Variants in DRD3 observed in about 807,000 individuals in gnomAD.
DRD3 encodes dopamine receptor D3.
Under a neutral mutation model 36.3 loss-of-function variants are expected in DRD3, and 19 were observed. The ratio of observed to expected loss-of-function variants is 0.52; its 90% confidence interval spans 0.36 to 0.77. The LOEUF (loss-of-function observed/expected upper bound fraction) is 0.77, where lower values mean the gene tolerates loss of function less well. Among genes scored for constraint, DRD3 ranks in the 30% least tolerant of loss-of-function variants. DRD3 has a pLI of 0.00. For synonymous variants in DRD3, 195 were observed against 203.7 expected (o/e 0.96, Z 0.36); for missense variants, 465 against 505.3 (o/e 0.92, Z 0.77).
intron 4 of DRD3, 134 bp downstream of exon 4, chr3:114,147,281 C>T: frequency 8.7e-7 from 1 of 1,147,842 alleles, no homozygotes; most frequent in Non-Finnish European, 1.2e-6. Flanking sequence ...GCTTTGCATT[C>T]TGTGGCATTC....
intron 4 of DRD3, among the ~76,000 whole-genome samples, chr3:114,140,361 G>A (rs1389303833): frequency 2.0e-5 from 3 of 152,146 alleles, no homozygotes; most frequent in African/African-American, 4.8e-5. Context: ...CCTTGTCCCT[G>A]CTTTATATCC....
At chr3:114,141,879 G>A (rs539299418) in intron 4 of DRD3, among the ~76,000 whole-genome samples, 3 of 151,842 alleles carry the variant, frequency 2.0e-5, no homozygotes, top group South Asian at 4.2e-4. Context: ...GTGAAACCAC[G>A]TCTCTACTAA....
intron 1 of DRD3, among the ~76,000 whole-genome samples, chr3:114,192,022 A>T (rs1437037548): frequency 6.6e-6 from 1 of 152,144 alleles, no homozygotes; most frequent in Non-Finnish European, 1.5e-5. Flanking sequence ...CAGAGAGAGG[A>T]GGGGGAAGCT....
intron 1 of DRD3, among the ~76,000 whole-genome samples, chr3:114,197,587 T>A (rs868403650): frequency 4.7e-5 from 7 of 147,480 alleles, no homozygotes; most frequent in African/African-American, 1.5e-4. Flanking sequence ...GTTTTAATCT[T>A]AAATTTATTA....
chr3:114,158,324 TTGAG>T (rs1481812818), intron 3 of DRD3, among the ~76,000 whole-genome samples: 1 of 152,168 alleles, frequency 6.6e-6, no homozygotes, highest in Non-Finnish European at 1.5e-5. Context: ...ATTACACACT[TTGAG>T]TGGATGAATT....
rs2107825095 is a variant in DRD3 at position 114,128,658 on chromosome 3, T to G, written c.*58A>C. ...GAGGACACTGCACAGTCTTTCTGAG[T>G]GGGCCAACAGCCTGGCAGCTAGAAA... On this transcript the variant is annotated 3_prime_UTR_variant, in exon 7 of 7. Transcript: ENST00000383673. 1 of 1,492,372 alleles carries G rather than the reference T, an allele frequency of 6.7e-7. No individual in the cohort carries two copies. The allele number at this position is 1,492,372 out of a possible 1,614,324, so 92.4% of individuals were successfully genotyped here.
intron 1 of DRD3, among the ~76,000 whole-genome samples, chr3:114,188,654 G>A (rs1354069012): frequency 6.6e-6 from 1 of 152,172 alleles, no homozygotes; most frequent in African/African-American, 2.4e-5. Flanking sequence ...TTAACATTAA[G>A]GGAGTTCTTT....
chr3:114,139,227 G>C (rs1330279306), intron 5 of DRD3, among the ~76,000 whole-genome samples: 1 of 152,208 alleles, frequency 6.6e-6, no homozygotes, highest in Non-Finnish European at 1.5e-5. Flanking sequence ...TGCCCATTTG[G>C]GGAAAATGAA....
intron 1 of DRD3, among the ~76,000 whole-genome samples, chr3:114,197,123 T>C (rs368772498): frequency 2.0e-5 from 3 of 151,446 alleles, no homozygotes; most frequent in African/African-American, 7.2e-5. Context: ...TTTTCCTTTT[T>C]TTTTTTTAAG....
chr3:114,164,832 A>G (rs899680903), intron 2 of DRD3, among the ~76,000 whole-genome samples: 1 of 152,134 alleles, frequency 6.6e-6, no homozygotes, highest in Non-Finnish European at 1.5e-5. Flanking sequence ...GCTCACTGCA[A>G]TCTCCACCTC....
At position 114,147,490 on chromosome 3, in the gene DRD3, C is replaced by T. The variant is rs138734006; in HGVS notation, c.451G>A (p.Ala151Thr). The T allele has an allele frequency of 6.7e-5, 108 of 1,614,072 alleles. No individual in the cohort carries two copies. In the African/African-American group the frequency reaches 1.4e-3, roughly 21 times the overall value. The change falls in exon 4 of 7, where the codon GCC (alanine) becomes ACC (threonine). Residue 151 changes from alanine to threonine, a missense_variant. Transcript: ENST00000383673. ...GTGQSSCRRV[A>T]LMITAVWVLA... ...ACCCAGACGGCCGTGATCATGAGGG[C>T]CACGCGCCGACAGGAGCTCTGTCCC...
intron 2 of DRD3, among the ~76,000 whole-genome samples, chr3:114,163,655 C>T (rs2077754236): frequency 1.3e-5 from 2 of 152,122 alleles, no homozygotes; most frequent in Non-Finnish European, 2.9e-5. Context: ...CCATCCATTA[C>T]CCCTATAGCC....
At chr3:114,173,046 G>A (rs907388632) in intron 1 of DRD3, among the ~76,000 whole-genome samples, 1 of 152,056 alleles carries the variant, frequency 6.6e-6, no homozygotes, top group African/African-American at 2.4e-5. Flanking sequence ...GGGTCTTTGA[G>A]AGGTGATTAG....
In DRD3 at chr3:114,159,764, C is replaced by T. The variant is rs2077715215; in HGVS notation, c.374G>A (p.Ser125Asn). The T allele has an allele frequency of 6.2e-7, 1 of 1,613,972 alleles. No individual in the cohort carries two copies. The change falls in exon 3 of 7, where the codon AGC (serine) becomes AAC (asparagine). Residue 125 changes from serine (S) to asparagine (N), a missense_variant. By Grantham distance (46) the Ser-to-Asn change is conservative (BLOSUM62 1). Coordinates refer to ENST00000383673, the MANE Select transcript of DRD3 (RefSeq NM_000796.6). ...GGAATTGCAGCCCTACCTGTCTATG[C>T]TGATGGCACAGAGATTAAGGATGCT... ...TASILNLCAI[S>N]IDRYTAVVMP...
At chr3:114,190,443 TATATATATATATATATATA>T (rs1214516881) in intron 1 of DRD3, among the ~76,000 whole-genome samples, 62 of 11,986 alleles carry the variant, frequency 5.2e-3, no homozygotes, top group African/African-American at 9.1e-3. Context: ...TATATATATA[TATATATATATATATATATA>T]TTTTTTTTTT....
intron 2 of DRD3, among the ~76,000 whole-genome samples, chr3:114,163,216 T>C: frequency 6.6e-6 from 1 of 152,160 alleles, no homozygotes; most frequent in East Asian, 1.9e-4. Context: ...CACTTAGCCT[T>C]CCCTGGAGCT....
chr3:114,196,440 T>C (rs945485003), intron 1 of DRD3, among the ~76,000 whole-genome samples: 1 of 152,058 alleles, frequency 6.6e-6, no homozygotes, highest in Non-Finnish European at 1.5e-5. Flanking sequence ...TCAGCCTACC[T>C]AGTAGCTGGG....
rs764646377 is a variant in DRD3 at position 114,131,261 on chromosome 3, G to A, written c.863C>T (p.Pro288Leu). The A allele has an allele frequency of 6.2e-7, 1 of 1,614,122 alleles. No individual in the cohort carries two copies. The highest frequency in any genetic ancestry group is 8.5e-7 in the Non-Finnish European group (1 of 1,180,024). ...REEKTRNSLS[P>L]TIAPKLSLEV... Reference sequence around the variant, plus strand: ...TAAGCTGAGCTTGGGCGCTATGGTGGGACTCAGGGAATTCCGAGTCTTCTC... The same window carrying A: ...TAAGCTGAGCTTGGGCGCTATGGTGAGACTCAGGGAATTCCGAGTCTTCTC... The change falls in exon 6 of 7, where the codon CCC becomes CTC. Residue 288 changes from proline (P) to leucine (L), a missense_variant. Pro to Leu is a moderately conservative substitution (Grantham distance 98). Coordinates refer to ENST00000383673, the MANE Select transcript of DRD3 (RefSeq NM_000796.6).
intron 3 of DRD3, among the ~76,000 whole-genome samples, chr3:114,158,318 CA>C (rs1184661183): frequency 4.6e-5 from 7 of 151,266 alleles, no homozygotes; most frequent in African/African-American, 1.7e-4. Context: ...CATTGAATTA[CA>C]CACTTTGAGT....
Sources: gnomAD v4.1 joint callset for allele counts (sites outside exome capture counted in the v4.1 genomes callset) on GRCh38, gnomAD v4.1.1 for gene constraint, MANE v1.5 for transcripts, NCBI Gene and HGNC (gene_info 2026-07-23, HGNC 2026-07-21) for gene names.